KLHL36: variants seen among roughly 807,000 people sequenced by gnomAD.
KLHL36 encodes the protein kelch like family member 36, also known as kelch-like protein 36.
A neutral mutation model predicts 53.3 loss-of-function variants in KLHL36; 35 were observed. The observed-to-expected ratio is 0.66, with a 90% CI of 0.50 to 0.87. The LOEUF (loss-of-function observed/expected upper bound fraction) is 0.87. Ranked by LOEUF, KLHL36 falls within the 40% of genes least tolerant of loss-of-function variation. The pLI is 0.00. For synonymous variants in KLHL36, 472 were observed against 398.9 expected (o/e 1.18, Z -2.18); for missense variants, 864 against 897.6 (o/e 0.96, Z 0.48).
In KLHL36 at chr16:84,650,842, C is replaced by G; in HGVS notation, c.-16-10C>G. ...TGACTGCATGCTCAGAAATCCTGTT[C>G]TTCTCCTAGGGCTGAAATCTCTTTA... On this transcript the variant is annotated splice_polypyrimidine_tract_variant and intron_variant, in intron 1 of 4. Coordinates refer to ENST00000564996, the MANE Select transcript of KLHL36 (RefSeq NM_024731.4). 6.2e-7 allele frequency: 1 copy of G among 1,603,208 alleles called. No homozygotes were observed. The highest frequency in any genetic ancestry group is 1.3e-5 in the African/African-American group (1 of 74,530).
At position 84,667,142 on chromosome 16, in the gene KLHL36, TGGG is replaced by T. The variant is rs536765632; in HGVS notation, c.*5014_*5016del. ...TGAATGAATGTACACATTTCGGTAG[TGGG>T]GGGGCAGAGCGGATAACCCCTTCCT... is the stretch of plus-strand genomic sequence containing the variant. On this transcript the variant is annotated 3_prime_UTR_variant, in exon 5 of 5. Transcript: ENST00000564996. 5 of 151,872 alleles carry T rather than the reference TGGG, an allele frequency of 3.3e-5. No homozygotes were observed. Among genetic ancestry groups the T allele is most frequent in the Non-Finnish European group, 7.4e-5 (5 of 67,974 alleles). The allele number at this position is 151,872 out of a possible 1,614,324, so 9.4% of individuals were successfully genotyped here. A position where few individuals can be genotyped will look rare whatever the true frequency, so the allele number is the denominator to read the frequency against.
rs1907885756 is a variant in KLHL36, at chr16:84,667,133, T to C, written c.*5000T>C. The C allele has an allele frequency of 6.6e-6, 1 of 151,838 alleles. No homozygotes were observed. Among genetic ancestry groups the C allele is most frequent in the Non-Finnish European group, 1.5e-5 (1 of 68,010 alleles). 9.4% of individuals were successfully genotyped at this position (151,838 alleles called of 1,614,324 possible). On this transcript the variant is annotated 3_prime_UTR_variant, in exon 5 of 5. Transcript: ENST00000564996. Reference sequence around the variant, plus strand: ...TACCAGAGTTGAATGAATGTACACATTTCGGTAGTGGGGGGGCAGAGCGGA... The same window carrying C: ...TACCAGAGTTGAATGAATGTACACACTTCGGTAGTGGGGGGGCAGAGCGGA...
intron 2 of KLHL36, among the ~76,000 whole-genome samples, chr16:84,654,082 C>A (rs1597215648): frequency 6.6e-6 from 1 of 152,140 alleles, no homozygotes; most frequent in East Asian, 1.9e-4. Flanking sequence ...AGTCCTGCCC[C>A]CTGGGCTCTT....
At position 84,657,831 on chromosome 16, in the gene KLHL36, G is replaced by T. The variant is rs1295702134; in HGVS notation, c.1024G>T (p.Val342Leu). The T allele has an allele frequency of 6.2e-7, 1 of 1,601,434 alleles. No homozygotes were observed. Among genetic ancestry groups the T allele is most frequent in the Non-Finnish European group, 8.5e-7 (1 of 1,172,014 alleles). ...CCGGCGGAGCCACCACTGTGTCGCG[G>T]TGCTGGGGGGCTTCATCTTCATCGC... is the stretch of plus-strand genomic sequence containing the variant. ...PARRSHHCVA[V>L]LGGFIFIAGG... The change falls in exon 3 of 5, where the codon GTG becomes TTG. Residue 342 changes from valine (V) to leucine (L), a missense_variant. Coordinates refer to ENST00000564996, the MANE Select transcript of KLHL36 (RefSeq NM_024731.4).
Position 84,657,539 on chromosome 16 carries a change from C to G in KLHL36, c.732C>G (p.Asp244Glu), listed in dbSNP as rs1246383204. The change falls in exon 3 of 5, where the codon GAC becomes GAG. Residue 244 changes from aspartate to glutamate, a missense_variant. Transcript: ENST00000564996. Reference sequence around the variant, plus strand: ...ACTTCCCGCTCATCCCCAAGAACGACCTGCTGCACCGCGTCAAGCCGGCCG... The same window carrying G: ...ACTTCCCGCTCATCCCCAAGAACGAGCTGCTGCACCGCGTCAAGCCGGCCG... Reference protein sequence around the residue: ...NIHFPLIPKNDLLHRVKPAVC... With the variant: ...NIHFPLIPKNELLHRVKPAVC... 6.2e-7 allele frequency: 1 copy of G among 1,610,252 alleles called. No individual in the cohort carries two copies. The highest frequency in any genetic ancestry group is 8.5e-7 in the Non-Finnish European group (1 of 1,179,894).
At chr16:84,659,024 G>A (rs1303826843) in intron 3 of KLHL36, 1 of 151,858 alleles carries the variant, frequency 6.6e-6, no homozygotes, top group South Asian at 2.1e-4. Flanking sequence ...GTGTGTGTGA[G>A]ACAGAGTTGT....
At position 84,661,143 on chromosome 16, in the gene KLHL36, G is replaced by T. The variant is rs750730192; in HGVS notation, c.1296-435G>T. 8.5e-5 allele frequency among the ~76,000 whole-genome samples: 13 copies of T among 152,144 alleles called. No homozygotes were observed. Among genetic ancestry groups the T allele is most frequent in the Non-Finnish European group, 1.6e-4 (11 of 68,024 alleles). ...CAGCCACTGATTTTGCTGTCTCTAT[G>T]GTTTTAGGCAAAACTTTTCCCGAGT... On this transcript the variant is annotated intron_variant, in intron 4 of 4. Coordinates refer to ENST00000564996, the MANE Select transcript of KLHL36 (RefSeq NM_024731.4). This position sits in a 1 kb window ranked among gnomAD's most constrained non-coding sequence, Gnocchi z 7.9.
chr16:84,654,674 T>A (rs1034688968), intron 2 of KLHL36, among the ~76,000 whole-genome samples: 8 of 152,120 alleles, frequency 5.3e-5, no homozygotes, highest in African/African-American at 1.9e-4. Flanking sequence ...CAGGCTGGAG[T>A]GCAGTGGCTC....
intron 2 of KLHL36, among the ~76,000 whole-genome samples, chr16:84,656,207 TTG>T (rs1057383458): frequency 1.3e-5 from 2 of 151,876 alleles, no homozygotes; most frequent in African/African-American, 4.8e-5. Flanking sequence ...AATTGTTGTG[TTG>T]TTTGGTTTTG....
chr16:84,651,052 G>C (rs1250852569), intron 2 of KLHL36, 122 bp downstream of exon 2: 1 of 769,870 alleles, frequency 1.3e-6, no homozygotes, highest in East Asian at 2.8e-5. Context: ...TCTCCTTAAT[G>C]ACAAGTAAAG....
In KLHL36 at chr16:84,657,220, A is replaced by G. The variant is rs750661252; in HGVS notation, c.413A>G (p.Tyr138Cys). 2.0e-5 allele frequency: 32 copies of G among 1,614,116 alleles called. No homozygotes were observed. In the African/African-American group the frequency reaches 3.6e-4, roughly 18 times the overall value. The change falls in exon 3 of 5, where the codon TAC becomes TGC. Residue 138 changes from tyrosine (Y) to cysteine (C), a missense_variant. Tyr to Cys is a radical substitution (Grantham distance 194). Coordinates refer to ENST00000564996, the MANE Select transcript of KLHL36 (RefSeq NM_024731.4). ...ACGGTGGTAGACTTCTGCTGTGAGT[A>G]CCTGGAGCAGGAGGTGAGCGAGGAC... is the stretch of plus-strand genomic sequence containing the variant. ...IWTVVDFCCE[Y>C]LEQEVSEDNY...
chr16:84,650,912 GATCAGCGA>G lies in KLHL36; in HGVS notation c.50_57del (p.Ser17IlefsTer35). ...AGACGCGAGTGTCTCGGCCATACAA[GATCAGCGA>G]ATCATCAAAGGTCTGTGAATGTTCA... On this transcript the variant is annotated frameshift_variant, in exon 2 of 5. Coordinates refer to ENST00000564996, the MANE Select transcript of KLHL36 (RefSeq NM_024731.4). LOFTEE classifies it high-confidence loss of function. 2 of 1,611,572 alleles carry G rather than the reference GATCAGCGA, an allele frequency of 1.2e-6. No homozygotes were observed. The highest frequency in any genetic ancestry group is 1.7e-6 in the Non-Finnish European group (2 of 1,179,438).
chr16:84,662,070 G>A lies in KLHL36; in HGVS notation c.1788G>A (p.Glu596=). The change falls in exon 5 of 5, where the codon GAG becomes GAA. Residue 596 remains glutamate, a synonymous_variant. Transcript: ENST00000564996. ...AGGSACVCAL[E]PRPEDKKKKG... is the part of the protein sequence containing the mutation. ...GGTCCGCCTGTGTCTGCGCCCTGGA[G>A]CCACGGCCAGAGGACAAGAAGAAGA... 1 of 1,577,588 alleles carries A rather than the reference G, an allele frequency of 6.3e-7. No homozygotes were observed. Among genetic ancestry groups the A allele is most frequent in the Non-Finnish European group, 8.6e-7 (1 of 1,160,932 alleles).
chr16:84,662,501 T>G lies in KLHL36; in HGVS notation c.*368T>G. 1 of 173,784 alleles carries G rather than the reference T, an allele frequency of 5.8e-6. No homozygotes were observed. Among genetic ancestry groups the G allele is most frequent in the Non-Finnish European group, 1.2e-5 (1 of 81,526 alleles). 10.8% of individuals were successfully genotyped at this position (173,784 alleles called of 1,614,324 possible). On this transcript the variant is annotated 3_prime_UTR_variant, in exon 5 of 5. Transcript: ENST00000564996. ...CCTCAAAGGGTTCTCTTAGGCCACC[T>G]AGTCCAAGCCTCCCCAAACCTGGCT...
intron 1 of KLHL36, chr16:84,649,063 T>A (rs1389754542): frequency 2.0e-5 from 3 of 152,118 alleles, no homozygotes; most frequent in African/African-American, 7.2e-5. Flanking sequence ...TCTCCAACGC[T>A]GAGGTCGGGA....
intron 3 of KLHL36, 160 bp from the exon 4 acceptor site, chr16:84,659,600 G>A (rs111384009): frequency 2.8e-6 from 2 of 718,808 alleles, no homozygotes; most frequent in Non-Finnish European, 4.6e-6. Flanking sequence ...GGGGCTCAGA[G>A]CTCCCACCTG....
Position 84,662,062 on chromosome 16 carries a change from G to A in KLHL36, c.1780G>A (p.Ala594Thr), listed in dbSNP as rs1330911894. The A allele has an allele frequency of 7.0e-6, 11 of 1,579,442 alleles. No homozygotes were observed. Among genetic ancestry groups the A allele is most frequent in the Non-Finnish European group, 8.6e-6 (10 of 1,162,818 alleles). Residue 594 changes from alanine to threonine, a missense_variant, in exon 5 of 5, where the codon GCC (alanine) becomes ACC (threonine). Coordinates refer to ENST00000564996, the MANE Select transcript of KLHL36 (RefSeq NM_024731.4). ...CGCTGGCGGGTCCGCCTGTGTCTGC[G>A]CCCTGGAGCCACGGCCAGAGGACAA... ...AIAGGSACVC[A>T]LEPRPEDKKK...
chr16:84,661,963 T>A lies in KLHL36; in HGVS notation c.1681T>A (p.Phe561Ile), dbSNP rs1907583630. ...LGGYSWENTA[F>I]SKTVQVYDRE... ...CGGCTACAGCTGGGAGAACACTGCC[T>A]TCTCCAAGACCGTGCAGGTGTACGA... The change falls in exon 5 of 5, where the codon TTC becomes ATC. Residue 561 changes from phenylalanine to isoleucine, a missense_variant. Coordinates refer to ENST00000564996, the MANE Select transcript of KLHL36 (RefSeq NM_024731.4). The surrounding 1 kb of genome is among the most constrained non-coding windows in gnomAD (Gnocchi z 7.9). 1 of 1,599,536 alleles carries A rather than the reference T, an allele frequency of 6.3e-7. No homozygotes were observed. The highest frequency in any genetic ancestry group is 1.8e-5 in the Admixed American group (1 of 57,020).
intron 1 of KLHL36, among the ~76,000 whole-genome samples, chr16:84,650,355 G>A (rs1167041650): frequency 1.3e-5 from 2 of 152,118 alleles, no homozygotes; most frequent in African/African-American, 4.8e-5. Flanking sequence ...ATGGATCCAG[G>A]TTTTGAAGCT....
Sources: allele counts gnomAD v4.1 joint callset (sites outside exome capture counted in the v4.1 genomes callset), GRCh38; gene constraint gnomAD v4.1.1; non-coding constraint Gnocchi (gnomAD v3.1); transcripts MANE v1.5; gene names NCBI Gene and HGNC (gene_info 2026-07-23, HGNC 2026-07-21).